The following RALYL variants were observed in gnomAD, a reference collection of about 807,000 sequenced individuals.
RALYL encodes RNA-binding Raly-like protein.
In RALYL, 29 loss-of-function variants were observed where a neutral mutation model predicts 35.1. That is an observed-to-expected ratio of 0.83 (90% CI 0.61 to 1.13). The LOEUF (loss-of-function observed/expected upper bound fraction) is 1.13. Among genes scored for constraint, RALYL ranks in the 50% most tolerant of loss-of-function variants. The pLI, the probability that RALYL is intolerant of heterozygous loss-of-function variation, is 0.00. For missense variants in RALYL, 359 were observed against 360.4 expected, an observed-to-expected ratio of 1.00 and a Z score of 0.03; for synonymous variants, 120 against 127.6, an observed-to-expected ratio of 0.94 and a Z score of 0.40.
chr8:84,772,560 A>G (rs1356096486), intron 2 of RALYL, among the ~76,000 whole-genome samples: 1 of 152,048 alleles, frequency 6.6e-6, no homozygotes, highest in Non-Finnish European at 1.5e-5. Flanking sequence ...AAGTGTTGTA[A>G]TAGATTACCC....
intron 1 of RALYL, among the ~76,000 whole-genome samples, chr8:84,407,988 C>T (rs978527686): frequency 1.3e-5 from 2 of 151,986 alleles, no homozygotes; most frequent in African/African-American, 4.8e-5. Flanking sequence ...AGAGATTATT[C>T]GTAACCACTA....
chr8:84,427,724 C>A (rs561013212), intron 1 of RALYL, among the ~76,000 whole-genome samples: 1 of 152,124 alleles, frequency 6.6e-6, no homozygotes, highest in African/African-American at 2.4e-5. Flanking sequence ...CTATCTGAGA[C>A]GCGTTCTTTA....
chr8:84,693,791 G>T (rs1421858952), intron 2 of RALYL, among the ~76,000 whole-genome samples: 1 of 151,602 alleles, frequency 6.6e-6, no homozygotes, highest in Non-Finnish European at 1.5e-5. Context: ...TTTATCCCTG[G>T]GATATAAGAA....
chr8:84,240,589 G>A (rs1827636409), intron 1 of RALYL, among the ~76,000 whole-genome samples: 1 of 152,158 alleles, frequency 6.6e-6, no homozygotes. Context: ...AAAACAGACA[G>A]GATGTACTAT....
chr8:84,733,413 T>C (rs142992835), intron 2 of RALYL, among the ~76,000 whole-genome samples: 4 of 152,316 alleles, frequency 2.6e-5, no homozygotes, highest in Admixed American at 6.5e-5. Context: ...TGACAGTCTA[T>C]TATTTTATCC....
intron 3 of RALYL, among the ~76,000 whole-genome samples, chr8:84,778,397 A>G (rs1817352411): frequency 6.6e-6 from 1 of 152,228 alleles, no homozygotes; most frequent in Admixed American, 6.5e-5. Context: ...CTAAGTAAAC[A>G]TGGTATACAT....
chr8:84,755,276 C>T (rs1811105510), intron 2 of RALYL, among the ~76,000 whole-genome samples: 1 of 152,132 alleles, frequency 6.6e-6, no homozygotes, highest in African/African-American at 2.4e-5. Context: ...AAATAGCAGT[C>T]TTTTTGTATA....
chr8:84,729,283 C>A (rs6997829), intron 2 of RALYL, among the ~76,000 whole-genome samples: 5 of 151,840 alleles, frequency 3.3e-5, no homozygotes, highest in South Asian at 2.1e-4. Flanking sequence ...TTTGTCTGTT[C>A]TTGGTGTATA....
chr8:84,407,354 C>G (rs1433135613), intron 1 of RALYL, among the ~76,000 whole-genome samples: 1 of 152,090 alleles, frequency 6.6e-6, no homozygotes, highest in Non-Finnish European at 1.5e-5. Flanking sequence ...AAGCAGTGAA[C>G]AGTATCTTAT....
chr8:84,619,166 A>G lies in RALYL; in HGVS notation c.256+89589A>G, dbSNP rs917016345. Among the ~76,000 whole-genome samples, 546 of 151,590 alleles carry G rather than the reference A, an allele frequency of 3.6e-3. 12 individuals carry two copies. The highest frequency in any genetic ancestry group is 0.013 in the African/African-American group (519 of 41,032). ...GGTATCCTTGTTGACTTTCTGTCTC[A>G]TTGATCTGTCTAATGTTGACAGTGG... On this transcript the variant is annotated intron_variant, in intron 2 of 8. Coordinates refer to ENST00000521268, the MANE Select transcript of RALYL (RefSeq NM_173848.7).
At chr8:84,840,170 G>C (rs183548449) in intron 4 of RALYL, among the ~76,000 whole-genome samples, 1 of 151,818 alleles carries the variant, frequency 6.6e-6, no homozygotes, top group African/African-American at 2.4e-5. Context: ...AAACTACTCC[G>C]AGCTAAAGGA....
intron 1 of RALYL, among the ~76,000 whole-genome samples, chr8:84,208,668 A>G (rs899195884): frequency 6.6e-6 from 1 of 152,178 alleles, no homozygotes; most frequent in South Asian, 2.1e-4. Context: ...TTCCTCATCT[A>G]TATATCATCT....
At chr8:84,636,774 A>T (rs1229691218) in intron 2 of RALYL, among the ~76,000 whole-genome samples, 1 of 151,872 alleles carries the variant, frequency 6.6e-6, no homozygotes, top group South Asian at 2.1e-4. Context: ...AAAATTTATT[A>T]CTGGGACTGA....
intron 1 of RALYL, among the ~76,000 whole-genome samples, chr8:84,249,146 TACAA>T (rs551833762): frequency 1.3e-3 from 193 of 152,072 alleles, no homozygotes; most frequent in African/African-American, 4.4e-3. Context: ...TATTGAAAAA[TACAA>T]AGGAGATGAT....
intron 1 of RALYL, among the ~76,000 whole-genome samples, chr8:84,199,610 A>C (rs943956578): frequency 6.6e-6 from 1 of 152,172 alleles, no homozygotes; most frequent in Non-Finnish European, 1.5e-5. Context: ...ACTTTGTTGT[A>C]GTAGTTTCAT....
intron 2 of RALYL, among the ~76,000 whole-genome samples, chr8:84,666,041 C>G (rs1000496787): frequency 2.0e-5 from 3 of 152,006 alleles, no homozygotes; most frequent in South Asian, 4.1e-4. Context: ...AGAGAACTAA[C>G]AGTTCCCCTA....
intron 1 of RALYL, among the ~76,000 whole-genome samples, chr8:84,238,213 A>C (rs979869057): frequency 6.6e-6 from 1 of 152,096 alleles, no homozygotes; most frequent in Non-Finnish European, 1.5e-5. Context: ...AGACAGTACG[A>C]CATTCATTAA....
intron 1 of RALYL, among the ~76,000 whole-genome samples, chr8:84,428,098 TCTCTCTCTCACACA>T (rs892118772): frequency 6.6e-5 from 9 of 135,876 alleles, no homozygotes; most frequent in African/African-American, 2.5e-4. Context: ...TCTCTCTCTC[TCTCTCTCTCACACA>T]CACACACACA....
At chr8:84,531,283 G>C (rs1330058803) in intron 2 of RALYL, among the ~76,000 whole-genome samples, 1 of 152,052 alleles carries the variant, frequency 6.6e-6, no homozygotes, top group Non-Finnish European at 1.5e-5. Flanking sequence ...TATTTGGGAA[G>C]GTATGAATTC....
Sources: allele counts gnomAD v4.1 joint callset (sites outside exome capture counted in the v4.1 genomes callset), GRCh38; gene constraint gnomAD v4.1.1; transcripts MANE v1.5; gene names NCBI Gene and HGNC (gene_info 2026-07-23, HGNC 2026-07-21).